The following USH1C variants were observed in gnomAD, a reference collection of about 807,000 sequenced individuals.
USH1C encodes harmonin.
In USH1C, 90 loss-of-function variants were observed where a neutral mutation model predicts 119.3. The ratio of observed to expected loss-of-function variants is 0.75; its 90% CI spans 0.64 to 0.90. USH1C has a LOEUF of 0.90. Ranked by LOEUF, USH1C falls within the 40% of genes least tolerant of loss-of-function variation. The pLI is 0.00. For synonymous variants in USH1C, 465 were observed against 443.3 expected (o/e 1.05, Z -0.62); for missense variants, 1,165 against 1,167.7 (o/e 1.00, Z 0.03).
rs57367368 is a variant in USH1C at position 17,520,712 on chromosome 11, C to G, written c.1210+158G>C. Among the ~76,000 whole-genome samples the G allele has an allele frequency of 0.023, 3,574 of 152,248 alleles. 144 individuals carry two copies. The highest frequency in any genetic ancestry group is 0.082 in the African/African-American group (3,406 of 41,510). ...CAGACAGATCCCTCCTACCTCGATGCTGGGGCAGATGGTCTCTGACCCACA... is the reference window on the plus strand; with the variant it reads ...CAGACAGATCCCTCCTACCTCGATGGTGGGGCAGATGGTCTCTGACCCACA... On this transcript the variant is annotated intron_variant, in intron 14 of 26. Transcript: ENST00000005226.
chr11:17,512,166 C>T (rs531596378), intron 15 of USH1C, 112 bp from the exon 16 acceptor site: 5 of 1,214,646 alleles, frequency 4.1e-6, no homozygotes, highest in Non-Finnish European at 6.0e-6. Context: ...TGAGCCCCTC[C>T]CCCAGCTCTC....
At chr11:17,528,086 G>A (rs191349171) in intron 4 of USH1C, among the ~76,000 whole-genome samples, 1 of 152,312 alleles carries the variant, frequency 6.6e-6, no homozygotes, top group East Asian at 1.9e-4. Context: ...CTGTAAAATG[G>A]GGAATACCAA....
At chr11:17,523,750 C>G (rs1016222131) in intron 9 of USH1C, among the ~76,000 whole-genome samples, 1 of 152,208 alleles carries the variant, frequency 6.6e-6, no homozygotes, top group Non-Finnish European at 1.5e-5. Context: ...AATTTGATGA[C>G]ATTTGCTTTA....
At chr11:17,525,685 T>C (rs1292768669) in intron 8 of USH1C, among the ~76,000 whole-genome samples, 2 of 152,222 alleles carry the variant, frequency 1.3e-5, no homozygotes, top group African/African-American at 4.8e-5. Context: ...ATTCCCTGTC[T>C]GCCTCTTAAG....
At chr11:17,509,116 C>T (rs879648730) in intron 18 of USH1C, among the ~76,000 whole-genome samples, 23 of 152,282 alleles carry the variant, frequency 1.5e-4, no homozygotes, top group Admixed American at 5.9e-4. Flanking sequence ...ATGGACACAC[C>T]GTTGCTTACC....
intron 9 of USH1C, 73 bp downstream of exon 9, chr11:17,524,378 C>A (rs1214552318): frequency 6.7e-7 from 1 of 1,498,868 alleles, no homozygotes; most frequent in African/African-American, 1.4e-5. Flanking sequence ...GGCACCTGCC[C>A]CTGTCACCGC....
chr11:17,516,647 G>A, intron 14 of USH1C: 1 of 364,364 alleles, frequency 2.7e-6, no homozygotes, highest in Non-Finnish European at 5.3e-6. Flanking sequence ...AAGCCTTGTT[G>A]AAAGAGAACA....
rs758308462 is a variant in USH1C, at chr11:17,509,588, G to A, written c.1781C>T (p.Pro594Leu). The A allele has an allele frequency of 2.5e-5, 40 of 1,602,746 alleles. 2 individuals are homozygous for A. The South Asian group carries it at 4.4e-4, about 17-fold the overall frequency. Residue 594 changes from proline to leucine, a missense_variant, in exon 18 of 27, where the codon CCA becomes CTA. Pro to Leu is a moderately conservative substitution (Grantham distance 98, BLOSUM62 -3). Transcript: ENST00000005226. ...GGGGGGTGGAGTGCGCTGCACCCAT[G>A]GAGAGGATGAGGCGCTCACATGGCC... The part of the protein sequence containing the change: ...LSGHVSASSS[P>L]WVQRTPPPIP...
rs1850741898 is a variant in USH1C, at chr11:17,527,237, GAC to G, written c.480_481del (p.Ser161HisfsTer16). On this transcript the variant is annotated frameshift_variant, in exon 5 of 27. Coordinates refer to ENST00000005226, the MANE Select transcript of USH1C (RefSeq NM_153676.4). LOFTEE classifies it high-confidence loss of function. ...GCCTCACTCACGTCTCACTTTGATG[GAC>G]ACAGTTTTCTTGGTTCGAATGAGGT... The G allele has an allele frequency of 6.3e-7, 1 of 1,599,174 alleles. No homozygotes were observed. The highest frequency in any genetic ancestry group is 8.5e-7 in the Non-Finnish European group (1 of 1,170,726).
intron 4 of USH1C, among the ~76,000 whole-genome samples, chr11:17,530,788 C>G (rs1850929894): frequency 6.6e-6 from 1 of 152,186 alleles, no homozygotes; most frequent in South Asian, 2.1e-4. Flanking sequence ...TCACACTGCA[C>G]CAGGCTTTCT....
intron 1 of USH1C, among the ~76,000 whole-genome samples, chr11:17,539,309 C>T (rs964094943): frequency 2.0e-5 from 3 of 152,120 alleles, no homozygotes; most frequent in Non-Finnish European, 4.4e-5. Flanking sequence ...TGTGTGTGGC[C>T]CAGACACAGG....
At chr11:17,498,455 A>T (rs556433837) in intron 23 of USH1C, among the ~76,000 whole-genome samples, 184 bp from the exon 24 acceptor site, 1 of 152,202 alleles carries the variant, frequency 6.6e-6, no homozygotes. Context: ...GTCAAAGGGC[A>T]TTTAGTCCCT....
At chr11:17,501,374 C>T (rs767111177) in intron 22 of USH1C, 108 bp downstream of exon 22, 5 of 1,355,010 alleles carry the variant, frequency 3.7e-6, no homozygotes, top group Non-Finnish European at 5.2e-6. Flanking sequence ...CAGTGGGGAC[C>T]TGAGAGACCA....
intron 23 of USH1C, among the ~76,000 whole-genome samples, chr11:17,500,123 C>A (rs1348241819): frequency 6.6e-6 from 1 of 152,206 alleles, no homozygotes; most frequent in Non-Finnish European, 1.5e-5. Flanking sequence ...TGCCTGGGGT[C>A]TGCAAAGGTT....
At position 17,522,785 on chromosome 11, in the gene USH1C, G is replaced by T. The variant is rs776644722; in HGVS notation, c.1018C>A (p.Gln340Lys). 6.2e-7 allele frequency: 1 copy of T among 1,613,942 alleles called. No individual in the cohort carries two copies. Among genetic ancestry groups the T allele is most frequent in the Admixed American group, 1.7e-5 (1 of 60,028 alleles). ...GCATCCAGGGCTGGCTGCACTCACT[G>T]CCGCTCCATCTCCTGCTGCTCCTGG... ...ILQEQQEMER[Q>K]RRKEIAQKAA... Residue 340 changes from glutamine to lysine, a missense_variant and splice_region_variant, in exon 12 of 27, where the codon CAA (glutamine) becomes AAA (lysine). Transcript: ENST00000005226.
At chr11:17,522,052 C>T (rs1270006778) in intron 12 of USH1C, among the ~76,000 whole-genome samples, 1 of 152,086 alleles carries the variant, frequency 6.6e-6, no homozygotes, top group Non-Finnish European at 1.5e-5. Context: ...AGGCTGGTCT[C>T]GAACTCCTGA....
chr11:17,517,267 G>T (rs1442480157), intron 14 of USH1C: 4 of 913,450 alleles, frequency 4.4e-6, no homozygotes, highest in African/African-American at 3.3e-5. Flanking sequence ...GCTGGGGCTT[G>T]GAGGAGCTTT....
rs1565063515 is a variant in USH1C, at chr11:17,531,098, G to C, written c.387+56C>G. 6 of 1,611,726 alleles carry C rather than the reference G, an allele frequency of 3.7e-6. No homozygotes were observed. The highest frequency in any genetic ancestry group is 5.1e-6 in the Non-Finnish European group (6 of 1,179,470). ...CACACAGCCTAGTGGATGAATGAGG[G>C]GGAGGCAGGAGGTCCGAGGCCCTCG... On this transcript the variant is annotated intron_variant, in intron 4 of 26. Transcript: ENST00000005226. The surrounding 1 kb of genome is among the most constrained non-coding windows in gnomAD (Gnocchi z 4.2).
At chr11:17,494,458 G>A in intron 26 of USH1C, 82 bp from the exon 27 acceptor site, 7 of 1,479,130 alleles carry the variant, frequency 4.7e-6, no homozygotes, top group Non-Finnish European at 6.5e-6. Flanking sequence ...GCCCCACAAG[G>A]GGGAGTACCC....
Sources: gnomAD v4.1 joint callset for allele counts (sites outside exome capture counted in the v4.1 genomes callset) on GRCh38, gnomAD v4.1.1 for gene constraint, Gnocchi (gnomAD v3.1) non-coding constraint, MANE v1.5 for transcripts, NCBI Gene and HGNC (gene_info 2026-07-23, HGNC 2026-07-21) for gene names.